Variants in ANO3 observed in about 807,000 individuals in gnomAD.
ANO3 encodes the protein anoctamin 3, also known as anoctamin-3.
A neutral mutation model predicts 144.8 loss-of-function variants in ANO3; 99 were observed. That is an observed-to-expected ratio of 0.68 (90% CI 0.58 to 0.81). The LOEUF is 0.81. ANO3 is among the 30% of genes least tolerant of loss of function. ANO3 has a pLI of 0.00. For missense variants in ANO3, 905 were observed against 1,202.2 expected (o/e 0.75, Z 3.66); for synonymous variants, 414 against 392.6 (o/e 1.05, Z -0.64).
chr11:26,251,355 T>G (rs1230301537), intron 1 of ANO3, among the ~76,000 whole-genome samples: 2 of 152,214 alleles, frequency 1.3e-5, no homozygotes, highest in African/African-American at 4.8e-5. Context: ...CTTAAAGATA[T>G]AGGCTTTGAA....
At chr11:26,478,426 C>T in intron 4 of ANO3, among the ~76,000 whole-genome samples, 1 of 151,914 alleles carries the variant, frequency 6.6e-6, no homozygotes, top group Non-Finnish European at 1.5e-5. Context: ...TGGATTTTTC[C>T]TGTTTTATGC....
intron 3 of ANO3, among the ~76,000 whole-genome samples, chr11:26,457,238 TAA>T (rs35818230): frequency 7.5e-4 from 111 of 147,922 alleles, no homozygotes; most frequent in East Asian, 6.6e-3. Context: ...AAAAAAGAAA[TAA>T]AAAAAAAACC....
chr11:26,583,747 A>C (rs960977918), intron 14 of ANO3, among the ~76,000 whole-genome samples: 1 of 152,230 alleles, frequency 6.6e-6, no homozygotes, highest in Non-Finnish European at 1.5e-5. Flanking sequence ...GCATTGGGAA[A>C]GCACATTATG....
intron 12 of ANO3, among the ~76,000 whole-genome samples, chr11:26,549,021 A>G (rs1017088775): frequency 1.3e-5 from 2 of 151,916 alleles, no homozygotes; most frequent in African/African-American, 4.8e-5. Flanking sequence ...GCTACTCTTC[A>G]AGTTGGTCCC....
At chr11:26,366,424 A>G (rs143144965) in intron 1 of ANO3, among the ~76,000 whole-genome samples, 1,590 of 152,176 alleles carry the variant, frequency 0.01, 17 homozygotes, top group Non-Finnish European at 0.016. Context: ...AGTCTTTGCT[A>G]TTGTGAGTAG....
chr11:26,419,858 A>G (rs1857700831), intron 1 of ANO3, among the ~76,000 whole-genome samples: 1 of 152,114 alleles, frequency 6.6e-6, no homozygotes, highest in African/African-American at 2.4e-5. Context: ...TGAAGAGGAA[A>G]GAAACAAAAC....
chr11:26,516,265 A>T (rs1385787394), intron 5 of ANO3, among the ~76,000 whole-genome samples: 1 of 151,662 alleles, frequency 6.6e-6, no homozygotes, highest in Non-Finnish European at 1.5e-5. Context: ...TGATACAAGT[A>T]AAACTGGATG....
chr11:26,497,922 A>C (rs985484725), intron 4 of ANO3, among the ~76,000 whole-genome samples: 1 of 151,972 alleles, frequency 6.6e-6, no homozygotes, highest in South Asian at 2.1e-4. Flanking sequence ...GTAAATTCTA[A>C]AGTCTTTTCT....
chr11:26,239,477 A>C (rs895599276), intron 1 of ANO3, among the ~76,000 whole-genome samples: 2 of 152,180 alleles, frequency 1.3e-5, no homozygotes, highest in African/African-American at 2.4e-5. Context: ...TCTGCCAGGA[A>C]GTCTCTTTCC....
intron 1 of ANO3, among the ~76,000 whole-genome samples, chr11:26,357,874 T>C (rs1855823972): frequency 1.3e-5 from 2 of 152,196 alleles, no homozygotes; most frequent in African/African-American, 2.4e-5. Flanking sequence ...AAGTAATATA[T>C]GGATCAGAAT....
chr11:26,438,670 C>T (rs1477612775), intron 1 of ANO3, among the ~76,000 whole-genome samples: 2 of 147,236 alleles, frequency 1.4e-5, no homozygotes, highest in Non-Finnish European at 3.0e-5. Context: ...CCCAGCTACT[C>T]GGGGGGCTGG....
In ANO3 at chr11:26,259,571, G is replaced by A. The variant is rs187085357; in HGVS notation, c.155-50074G>A. ...GCTGAGGCAGGAGAATCGCTTGAACGTGGGGGTGGGGGTGGGGGGGCAGAG... is the reference window on the plus strand; with the variant it reads ...GCTGAGGCAGGAGAATCGCTTGAACATGGGGGTGGGGGTGGGGGGGCAGAG... On this transcript the variant is annotated intron_variant, in intron 1 of 27. Coordinates refer to the ANO3 transcript ENST00000672621. Among the ~76,000 whole-genome samples the A allele has an allele frequency of 5.4e-3, 794 of 147,226 alleles. 22 individuals are homozygous for A. In the East Asian group the frequency reaches 0.082, roughly 15 times the overall value.
At position 26,258,390 on chromosome 11, in the gene ANO3, T is replaced by G. The variant is rs150961842; in HGVS notation, c.155-51255T>G. Among the ~76,000 whole-genome samples the G allele has an allele frequency of 4.6e-5, 7 of 152,296 alleles. No individual in the cohort carries two copies. In the East Asian group the frequency reaches 1.3e-3, roughly 29 times the overall value. ...ACACAAATTTATGAAATGTCTACTCTCTGCTCAACATTGTGCTAAGTATCA... is the reference window on the plus strand; with the variant it reads ...ACACAAATTTATGAAATGTCTACTCGCTGCTCAACATTGTGCTAAGTATCA... On this transcript the variant is annotated intron_variant, in intron 1 of 27. Coordinates refer to the ANO3 transcript ENST00000672621.
chr11:26,388,119 G>T (rs977785822), intron 1 of ANO3, among the ~76,000 whole-genome samples: 8 of 148,028 alleles, frequency 5.4e-5, no homozygotes, highest in Admixed American at 1.3e-4. Context: ...TTAACTTTTA[G>T]ATTCTTTATA....
intron 1 of ANO3, among the ~76,000 whole-genome samples, chr11:26,204,874 T>C (rs1181081927): frequency 6.6e-6 from 1 of 152,184 alleles, no homozygotes; most frequent in Non-Finnish European, 1.5e-5. Flanking sequence ...GAATAATTTG[T>C]ACCTTGTGTT....
At chr11:26,647,967 T>C in intron 24 of ANO3, 111 bp downstream of exon 24, 1 of 1,016,244 alleles carries the variant, frequency 9.8e-7, no homozygotes, top group Non-Finnish European at 1.4e-6. Flanking sequence ...TTCTAAGCAT[T>C]GCATTTATAA....
At chr11:26,606,410 T>C (rs1209889963) in intron 17 of ANO3, among the ~76,000 whole-genome samples, 1 of 152,184 alleles carries the variant, frequency 6.6e-6, no homozygotes, top group African/African-American at 2.4e-5. Flanking sequence ...TCTGTTGATC[T>C]GGGGTGGAGA....
chr11:26,372,060 C>T (rs781757972), intron 1 of ANO3, among the ~76,000 whole-genome samples: 1 of 152,092 alleles, frequency 6.6e-6, no homozygotes, highest in African/African-American at 2.4e-5. Context: ...GGCTGTGTCC[C>T]CACCCAAATC....
intron 26 of ANO3, among the ~76,000 whole-genome samples, chr11:26,657,914 T>C (rs1853744944): frequency 6.6e-6 from 1 of 151,556 alleles, no homozygotes; most frequent in South Asian, 2.1e-4. Flanking sequence ...ATTCTATCAG[T>C]TGTCTATTCA....
Sources: allele counts gnomAD v4.1 joint callset (sites outside exome capture counted in the v4.1 genomes callset), GRCh38; gene constraint gnomAD v4.1.1; transcripts MANE v1.5; gene names NCBI Gene and HGNC (gene_info 2026-07-23, HGNC 2026-07-21).